The following RTN1 variants were observed in gnomAD, a reference collection of about 807,000 sequenced individuals.
RTN1 encodes the protein reticulon 1.
A neutral mutation model predicts 65.5 loss-of-function variants in RTN1; 25 were observed. The observed-to-expected ratio is 0.38, with a 90% CI of 0.28 to 0.53. The LOEUF (loss-of-function observed/expected upper bound fraction) is 0.53. Ranked by LOEUF, RTN1 falls within the 20% of genes least tolerant of loss-of-function variation. The pLI, the probability that RTN1 is intolerant of heterozygous loss-of-function variation, is 0.79. For missense variants in RTN1, 983 were observed against 1,025.4 expected (o/e 0.96, Z 0.57); for synonymous variants, 471 against 447.6 (o/e 1.05, Z -0.66).
At chr14:59,865,155 A>C (rs1887776760) in intron 1 of RTN1, among the ~76,000 whole-genome samples, 1 of 152,166 alleles carries the variant, frequency 6.6e-6, no homozygotes, top group South Asian at 2.1e-4. Context: ...TTCTTTTCTA[A>C]GGGTCTATGA....
chr14:59,831,694 G>A (rs1887126700), intron 1 of RTN1, among the ~76,000 whole-genome samples: 1 of 151,848 alleles, frequency 6.6e-6, no homozygotes, highest in Non-Finnish European at 1.5e-5. Flanking sequence ...TCTATCTATT[G>A]CTCTCTTGGC....
intron 3 of RTN1, among the ~76,000 whole-genome samples, chr14:59,634,080 C>G (rs1258370920): frequency 6.6e-6 from 1 of 151,960 alleles, no homozygotes; most frequent in African/African-American, 2.4e-5. Flanking sequence ...CATTTGTAGA[C>G]AAGTGTATGG....
chr14:59,810,190 G>C (rs1210252841), intron 1 of RTN1, among the ~76,000 whole-genome samples: 1 of 152,086 alleles, frequency 6.6e-6, no homozygotes, highest in Non-Finnish European at 1.5e-5. Context: ...TCCTTTCCAG[G>C]CAAAAGGCAG....
rs990809188 is a variant in RTN1, at chr14:59,790,718, G to A, written c.242-44237C>T. ...ACTTTTTTTGCAAGTTCTTTTTAAT[G>A]TTTTTTCTTTTTCATTTGTTCTATT... On this transcript the variant is annotated intron_variant, in intron 1 of 8. Transcript: ENST00000267484. The surrounding 1 kb of genome is among the most constrained non-coding windows in gnomAD (Gnocchi z 4.1). 9.9e-5 allele frequency among the ~76,000 whole-genome samples: 15 copies of A among 152,072 alleles called. 1 individual carries two copies. Among genetic ancestry groups the A allele is most frequent in the Admixed American group, 6.6e-4 (10 of 15,266 alleles).
intron 1 of RTN1, among the ~76,000 whole-genome samples, chr14:59,859,902 C>T (rs1566750836): frequency 6.6e-6 from 1 of 152,280 alleles, no homozygotes; most frequent in East Asian, 1.9e-4. Context: ...GAAGAAACTT[C>T]TAAGCAGCAA....
chr14:59,652,816 T>TA (rs766617055), intron 3 of RTN1, among the ~76,000 whole-genome samples: 14 of 150,952 alleles, frequency 9.3e-5, no homozygotes, highest in African/African-American at 1.5e-4. Context: ...AAATAAAAGT[T>TA]AAAAAAACAC....
At chr14:59,691,149 G>A (rs1192703738) in intron 3 of RTN1, among the ~76,000 whole-genome samples, 2 of 151,922 alleles carry the variant, frequency 1.3e-5, no homozygotes, top group Non-Finnish European at 2.9e-5. Context: ...CCCAAAAGTT[G>A]GATTCTTGAA....
In RTN1 at chr14:59,870,338, T is replaced by C. The variant is rs1887874114; in HGVS notation, c.241+52A>G. The C allele has an allele frequency of 3.5e-6, 5 of 1,423,366 alleles. No individual in the cohort carries two copies. Among genetic ancestry groups the C allele is most frequent in the African/African-American group, 1.5e-5 (1 of 67,936 alleles). 88.2% of individuals were successfully genotyped at this position (1,423,366 alleles called of 1,614,324 possible). ...GAGAGCCGCGCAGAAGGGGACTGAC[T>C]GGGGGGCCCTGGTCCCCGACGCCAT... On this transcript the variant is annotated intron_variant, in intron 1 of 8. Transcript: ENST00000267484. The surrounding 1 kb of genome is among the most constrained non-coding windows in gnomAD (Gnocchi z 5.1).
chr14:59,853,047 C>T (rs1463975873), intron 1 of RTN1, among the ~76,000 whole-genome samples: 1 of 152,100 alleles, frequency 6.6e-6, no homozygotes, highest in East Asian at 1.9e-4. Flanking sequence ...CCTGTGTAAA[C>T]AGTGATCTCT....
At chr14:59,856,848 T>C (rs1443913203) in intron 1 of RTN1, among the ~76,000 whole-genome samples, 1 of 152,272 alleles carries the variant, frequency 6.6e-6, no homozygotes, top group African/African-American at 2.4e-5. Context: ...TACAGAGTTA[T>C]CTGCCATTTC....
intron 3 of RTN1, among the ~76,000 whole-genome samples, chr14:59,644,592 C>T (rs1259193037): frequency 6.6e-6 from 1 of 152,180 alleles, no homozygotes; most frequent in Non-Finnish European, 1.5e-5. Flanking sequence ...ATACATACCC[C>T]GAGGAAAGGG....
chr14:59,856,262 G>C (rs1887606176), intron 1 of RTN1, among the ~76,000 whole-genome samples: 1 of 152,248 alleles, frequency 6.6e-6, no homozygotes, highest in South Asian at 2.1e-4. Flanking sequence ...TCTTTCTAGA[G>C]CAATCATGTT....
At chr14:59,843,000 A>G (rs1393403449) in intron 1 of RTN1, among the ~76,000 whole-genome samples, 2 of 152,208 alleles carry the variant, frequency 1.3e-5, no homozygotes, top group Non-Finnish European at 2.9e-5. Context: ...ACTCAAGAGA[A>G]ATGTTTCCAC....
intron 3 of RTN1, 135 bp from the exon 4 acceptor site, chr14:59,607,627 C>T (rs1423317640): frequency 6.9e-6 from 5 of 724,634 alleles, no homozygotes; most frequent in Non-Finnish European, 1.2e-5. Context: ...AGTGAGCAGA[C>T]AGATGGCTGT....
intron 3 of RTN1, among the ~76,000 whole-genome samples, chr14:59,617,497 A>G (rs1882135690): frequency 6.6e-6 from 1 of 152,240 alleles, no homozygotes; most frequent in Non-Finnish European, 1.5e-5. Context: ...AAGTACAGTA[A>G]GAGTAAAATT....
In RTN1 at chr14:59,727,431, T is replaced by A; in HGVS notation, c.1253A>T (p.Glu418Val). The change falls in exon 3 of 9, where the codon GAG (glutamate) becomes GTG (valine). Residue 418 changes from glutamate (E) to valine (V), a missense_variant. Glu to Val is a moderately radical substitution (Grantham distance 121). Transcript: ENST00000267484. The surrounding 1 kb of genome is among the most constrained non-coding windows in gnomAD (Gnocchi z 4.2). ...SGDSEIELVS[E>V]DPMAAEDALP... Reference sequence around the variant, plus strand: ...CGCGTCCTCCGCGGCCATGGGGTCCTCGGACACCAGCTCGATCTCTGAGTC... The same window carrying A: ...CGCGTCCTCCGCGGCCATGGGGTCCACGGACACCAGCTCGATCTCTGAGTC... The A allele has an allele frequency of 1.9e-6, 3 of 1,553,796 alleles. No individual in the cohort carries two copies. The highest frequency in any genetic ancestry group is 1.7e-4 in the Middle Eastern group (1 of 5,990).
intron 3 of RTN1, among the ~76,000 whole-genome samples, chr14:59,621,928 T>A (rs1197025265): frequency 6.6e-6 from 1 of 152,260 alleles, no homozygotes; most frequent in East Asian, 1.9e-4. Context: ...TGCATAATTA[T>A]CTGCATTATG....
chr14:59,850,662 G>C (rs946861766), intron 1 of RTN1, among the ~76,000 whole-genome samples: 4 of 152,202 alleles, frequency 2.6e-5, no homozygotes, highest in Non-Finnish European at 5.9e-5. Flanking sequence ...AATGACGTCA[G>C]TGTTCCATCC....
rs146349624 is a variant in RTN1 at position 59,726,727 on chromosome 14, G to C, written c.1765+192C>G. On this transcript the variant is annotated intron_variant, in intron 3 of 8. Coordinates refer to ENST00000267484, the MANE Select transcript of RTN1 (RefSeq NM_021136.3). ...TGAGTTGCCCTGAGCACGCGGTTCT[G>C]CCACCGACTTCTGTCCCAGCTGCAG... Among the ~76,000 whole-genome samples, 526 of 152,254 alleles carry C rather than the reference G, an allele frequency of 3.5e-3. 3 individuals are homozygous for C. Among genetic ancestry groups the C allele is most frequent in the African/African-American group, 0.012 (509 of 41,548 alleles).
Sources: gnomAD v4.1 joint callset for allele counts (sites outside exome capture counted in the v4.1 genomes callset) on GRCh38, gnomAD v4.1.1 for gene constraint, Gnocchi (gnomAD v3.1) non-coding constraint, MANE v1.5 for transcripts, NCBI Gene and HGNC (gene_info 2026-07-23, HGNC 2026-07-21) for gene names.